Variants in RAET1L observed in about 807,000 individuals in gnomAD.
RAET1L encodes retinoic acid early transcript 1L.
Under a neutral mutation model 23.9 loss-of-function variants are expected in RAET1L, and 16 were observed. That is an observed-to-expected ratio of 0.67 (90% CI 0.45 to 1.02). RAET1L has a LOEUF of 1.02. Among genes scored for constraint, RAET1L ranks in the 50% least tolerant of loss-of-function variants. RAET1L has a pLI of 0.00. For synonymous variants in RAET1L, 70 were observed against 111.2 expected (o/e 0.63, Z 2.33); for missense variants, 233 against 304.0 (o/e 0.77, Z 1.74).
chr6:150,023,873 G>A (rs545478439), intron 1 of RAET1L, among the ~76,000 whole-genome samples: 85 of 152,320 alleles, frequency 5.6e-4, no homozygotes, highest in African/African-American at 1.9e-3. Context: ...CCATGACAAG[G>A]CACCAGAATG....
intron 1 of RAET1L, among the ~76,000 whole-genome samples, chr6:150,023,727 C>A (rs1271055368): frequency 6.6e-6 from 1 of 152,132 alleles, no homozygotes; most frequent in African/African-American, 2.4e-5. Context: ...AGAATCACAA[C>A]AGAGATTCCA....
rs138597674 is a variant in RAET1L, at chr6:150,020,811, C to T, written c.631+94G>A. The T allele has an allele frequency of 2.4e-3, 3,723 of 1,569,890 alleles. 107 individuals carry two copies. The African/African-American group carries it at 0.047, about 20-fold the overall frequency. On this transcript the variant is annotated intron_variant, in intron 3 of 4. Coordinates refer to ENST00000367341, the MANE Select transcript of RAET1L (RefSeq NM_130900.3). ...GAGGTCATTTTAACATAAACGTGTA[C>T]ACTGGGATGATTGAAGCTGAACTCA...
intron 4 of RAET1L, among the ~76,000 whole-genome samples, chr6:150,019,139 T>C (rs1350113615): frequency 2.0e-5 from 3 of 152,264 alleles, no homozygotes; most frequent in African/African-American, 7.2e-5. Context: ...AAGGCCCTCT[T>C]TATCATCTGA....
intron 4 of RAET1L, among the ~76,000 whole-genome samples, chr6:150,019,354 G>C (rs966736160): frequency 3.9e-5 from 6 of 152,110 alleles, no homozygotes; most frequent in African/African-American, 1.4e-4. Context: ...ATCCAGCCCA[G>C]TGGTGCCCGT....
At chr6:150,024,982 G>A (rs936913314) in intron 1 of RAET1L, among the ~76,000 whole-genome samples, 14 of 152,070 alleles carry the variant, frequency 9.2e-5, no homozygotes, top group African/African-American at 3.4e-4. Flanking sequence ...CAGGCTTGTG[G>A]CTGGTGGGGG....
Position 150,021,708 on chromosome 6 carries a change from G to A in RAET1L, c.349+272C>T, listed in dbSNP as rs553480478. 3.5e-3 allele frequency among the ~76,000 whole-genome samples: 511 copies of A among 146,064 alleles called. 6 individuals are homozygous for A. The highest frequency in any genetic ancestry group is 7.2e-3 in the Middle Eastern group (2 of 278). Reference sequence around the variant, plus strand: ...CCTGCCGGGTTCAAGGGATCCTCCTGCCTCAGCCTCCCAAGTTGCTGGGAT... The same window carrying A: ...CCTGCCGGGTTCAAGGGATCCTCCTACCTCAGCCTCCCAAGTTGCTGGGAT... On this transcript the variant is annotated intron_variant, in intron 2 of 4. Transcript: ENST00000367341.
chr6:150,019,371 CCAG>C (rs1372844264), intron 4 of RAET1L, among the ~76,000 whole-genome samples: 1 of 152,160 alleles, frequency 6.6e-6, no homozygotes, highest in Non-Finnish European at 1.5e-5. Context: ...CCGTGGAACC[CCAG>C]CAGCAGCTCA....
At chr6:150,019,569 T>TTAATTCCTGGAACCGAAGCC (rs71010878) in intron 4 of RAET1L, among the ~76,000 whole-genome samples, 2 of 134,364 alleles carry the variant, frequency 1.5e-5, no homozygotes, top group African/African-American at 2.6e-5. Flanking sequence ...ACCTTCCACC[T>TTAATTCCTGGAACCGAAGCC]ACTTTCTGTG....
intron 1 of RAET1L, among the ~76,000 whole-genome samples, chr6:150,024,649 C>G (rs1368400771): frequency 1.3e-5 from 2 of 151,868 alleles, no homozygotes; most frequent in Non-Finnish European, 2.9e-5. Context: ...TCCCATCCCC[C>G]CTGCACAGGT....
intron 4 of RAET1L, among the ~76,000 whole-genome samples, chr6:150,019,660 G>T (rs1312130609): frequency 6.9e-6 from 1 of 144,240 alleles, no homozygotes; most frequent in Non-Finnish European, 1.5e-5. Context: ...ATTACACCCA[G>T]ATCTCTCTTA....
intron 1 of RAET1L, among the ~76,000 whole-genome samples, chr6:150,024,748 C>G (rs936861290): frequency 1.3e-5 from 2 of 151,828 alleles, no homozygotes; most frequent in Non-Finnish European, 2.9e-5. Flanking sequence ...GGTGAGGTAC[C>G]CTTCATGGAT....
chr6:150,023,821 T>TGTAGAGCAG (rs1374568027), intron 1 of RAET1L, among the ~76,000 whole-genome samples: 2 of 152,138 alleles, frequency 1.3e-5, no homozygotes, highest in African/African-American at 2.4e-5. Flanking sequence ...GTACTGCACC[T>TGTAGAGCAG]TGGCAGAGAT....
At chr6:150,021,893 C>A (rs1779893577) in intron 2 of RAET1L, 87 bp downstream of exon 2, 2 of 1,543,126 alleles carry the variant, frequency 1.3e-6, no homozygotes, top group South Asian at 2.3e-5. Context: ...TGCCCAGGAC[C>A]CTTTTGTATT....
Position 150,025,393 on chromosome 6 carries a change from G to T in RAET1L, c.79C>A (p.Arg27=), listed in dbSNP as rs117766916. The T allele has an allele frequency of 1.7e-5, 28 of 1,613,044 alleles. No homozygotes were observed. The highest frequency in any genetic ancestry group is 2.2e-5 in the Non-Finnish European group (26 of 1,179,560). The change falls in exon 1 of 5, where the codon CGA becomes AGA. Residue 27 remains arginine (R), a synonymous_variant. Coordinates refer to ENST00000367341, the MANE Select transcript of RAET1L (RefSeq NM_130900.3). The part of the protein sequence containing the change: ...FLLFGWSRAR[R]DDPHSLCYDI... The stretch of plus-strand genomic sequence containing the variant: ...GCTCCATCCACCAGCTCACCGTCTC[G>T]CCTAGCCCGGGACCAGCCGAACAGC...
At chr6:150,024,134 G>A (rs181332546) in intron 1 of RAET1L, among the ~76,000 whole-genome samples, 1 of 152,144 alleles carries the variant, frequency 6.6e-6, no homozygotes. Context: ...GAGGGTACCT[G>A]ATGGTCCCCA....
chr6:150,020,878 G>A, intron 3 of RAET1L, 27 bp downstream of exon 3: 2 of 1,611,210 alleles, frequency 1.2e-6, no homozygotes, highest in Non-Finnish European at 1.7e-6. Context: ...TCTCATTTAA[G>A]ATCCCCGTTT....
chr6:150,020,391 T>C (rs1282952454), intron 3 of RAET1L, 152 bp from the exon 4 acceptor site: 1 of 1,453,590 alleles, frequency 6.9e-7, no homozygotes, highest in Non-Finnish European at 9.4e-7. Context: ...AGGTCCTGGC[T>C]TAGGAAGGGA....
chr6:150,021,619 A>C, intron 2 of RAET1L, among the ~76,000 whole-genome samples: 1 of 109,878 alleles, frequency 9.1e-6, no homozygotes, highest in Non-Finnish European at 2.0e-5. Flanking sequence ...TTTTTGAGAC[A>C]AAGTCTCACT....
chr6:150,020,789 G>C lies in RAET1L; in HGVS notation c.631+116C>G, dbSNP rs1265881981. 3.3e-5 allele frequency: 50 copies of C among 1,526,018 alleles called. No individual in the cohort carries two copies. In the South Asian group the frequency reaches 6.1e-4, roughly 19 times the overall value. 94.5% of individuals were successfully genotyped at this position (1,526,018 alleles called of 1,614,324 possible). A position where few individuals can be genotyped will look rare whatever the true frequency, so the allele number is the denominator to read the frequency against. ...CCCAGGAGGAGGGCCCGACGAGGAGGTCATTTTAACATAAACGTGTACACT... is the reference window on the plus strand; with the variant it reads ...CCCAGGAGGAGGGCCCGACGAGGAGCTCATTTTAACATAAACGTGTACACT... On this transcript the variant is annotated intron_variant, in intron 3 of 4. Coordinates refer to ENST00000367341, the MANE Select transcript of RAET1L (RefSeq NM_130900.3).
Sources: gnomAD v4.1 joint callset for allele counts (sites outside exome capture counted in the v4.1 genomes callset) on GRCh38, gnomAD v4.1.1 for gene constraint, MANE v1.5 for transcripts, NCBI Gene and HGNC (gene_info 2026-07-23, HGNC 2026-07-21) for gene names.